NAT10: variants seen among roughly 807,000 people sequenced by gnomAD.
The protein encoded by NAT10 is N-acetyltransferase 10.
A neutral mutation model predicts 132.2 loss-of-function variants in NAT10; 109 were observed. The ratio of observed to expected loss-of-function variants is 0.82; its 90% confidence interval spans 0.71 to 0.97. The LOEUF (loss-of-function observed/expected upper bound fraction) is 0.97. Among genes scored for constraint, NAT10 ranks in the 50% least tolerant of loss-of-function variants. The pLI is 0.00. For missense variants in NAT10, 1,184 were observed against 1,263.4 expected (o/e 0.94, Z 0.95); for synonymous variants, 479 against 478.0 (o/e 1.00, Z -0.03).
intron 12 of NAT10, among the ~76,000 whole-genome samples, chr11:34,129,141 G>A (rs1852053942): frequency 6.6e-6 from 1 of 152,098 alleles, no homozygotes; most frequent in Admixed American, 6.6e-5. Flanking sequence ...ATGTTTTTCA[G>A]TTCTCTTAGG....
intron 28 of NAT10, among the ~76,000 whole-genome samples, chr11:34,144,588 A>G (rs964670576): frequency 6.6e-6 from 1 of 152,226 alleles, no homozygotes; most frequent in African/African-American, 2.4e-5. Context: ...ACTAATCCAA[A>G]TACATTTTGA....
intron 8 of NAT10, 39 bp downstream of exon 8, chr11:34,118,542 A>G (rs767488913): frequency 4.3e-5 from 67 of 1,549,906 alleles, no homozygotes; most frequent in Admixed American, 1.8e-5. Context: ...CAAAGGTAGT[A>G]AAACATAGCA....
At position 34,118,123 on chromosome 11, in the gene NAT10, C is replaced by G; in HGVS notation, c.558-57C>G. On this transcript the variant is annotated intron_variant, in intron 6 of 28. Transcript: ENST00000257829. ...AATTTTTTTGAAGAAAAGTTATACTCTGTATAGACATTGCATGCCCTCCCC... is the reference window on the plus strand; with the variant it reads ...AATTTTTTTGAAGAAAAGTTATACTGTGTATAGACATTGCATGCCCTCCCC... 5 of 1,385,726 alleles carry G rather than the reference C, an allele frequency of 3.6e-6. No homozygotes were observed. The South Asian group carries it at 5.8e-5, about 16-fold the overall frequency. The allele number at this position is 1,385,726 out of a possible 1,614,324, so 85.8% of individuals were successfully genotyped here.
At chr11:34,115,719 C>A in intron 5 of NAT10, 104 bp from the exon 6 acceptor site, 1 of 1,139,246 alleles carries the variant, frequency 8.8e-7, no homozygotes, top group Non-Finnish European at 1.3e-6. Context: ...ATTTTGTTTC[C>A]AGCAAGATTG....
chr11:34,119,014 C>T (rs537447857), intron 8 of NAT10, among the ~76,000 whole-genome samples: 2 of 152,300 alleles, frequency 1.3e-5, no homozygotes, highest in South Asian at 2.1e-4. Flanking sequence ...AGGCTTTTGC[C>T]TATAGCTTAT....
intron 13 of NAT10, 42 bp downstream of exon 13, chr11:34,130,979 G>T (rs111829970): frequency 1.2e-6 from 2 of 1,609,278 alleles, no homozygotes; most frequent in East Asian, 2.2e-5. Context: ...TCACAGCAAG[G>T]CCCTTCAGTC....
intron 28 of NAT10, among the ~76,000 whole-genome samples, chr11:34,144,270 C>CA (rs1474299430): frequency 6.6e-6 from 1 of 151,222 alleles, no homozygotes; most frequent in Non-Finnish European, 1.5e-5. Context: ...CCTGTCTCTG[C>CA]AAAAAAATTT....
chr11:34,118,639 TGTG>T, intron 8 of NAT10, 136 bp downstream of exon 8: 8 of 638,422 alleles, frequency 1.3e-5, no homozygotes, highest in Non-Finnish European at 2.1e-5. Context: ...CTCATACTCG[TGTG>T]TGCTCAGCAA....
chr11:34,129,718 C>A, intron 12 of NAT10, among the ~76,000 whole-genome samples: 1 of 150,196 alleles, frequency 6.7e-6, no homozygotes, highest in East Asian at 2.0e-4. Context: ...ACCCATTTCT[C>A]CTGCCTCAGC....
intron 9 of NAT10, among the ~76,000 whole-genome samples, chr11:34,122,866 G>A (rs1010161546): frequency 6.6e-6 from 1 of 152,232 alleles, no homozygotes; most frequent in Admixed American, 6.5e-5. Flanking sequence ...ACATGCAGAG[G>A]CAAAGAAATG....
chr11:34,116,132 C>T (rs1851778767), intron 6 of NAT10, among the ~76,000 whole-genome samples: 1 of 152,208 alleles, frequency 6.6e-6, no homozygotes, highest in African/African-American at 2.4e-5. Context: ...AACCAGGTTA[C>T]TCTCTCTGGT....
At chr11:34,138,707 A>G (rs1487802078) in intron 21 of NAT10, among the ~76,000 whole-genome samples, 1 of 152,166 alleles carries the variant, frequency 6.6e-6, no homozygotes, top group Non-Finnish European at 1.5e-5. Context: ...TAAAAAATGT[A>G]AAAATAGTCA....
intron 21 of NAT10, 21 bp from the exon 22 acceptor site, chr11:34,139,170 T>G (rs1164528022): frequency 6.2e-7 from 1 of 1,608,892 alleles, no homozygotes; most frequent in East Asian, 2.2e-5. Flanking sequence ...TTGGTGCCAG[T>G]TAAACCTCTG....
rs780359105 is a variant in NAT10, at chr11:34,137,006, G to A, written c.2191G>A (p.Val731Ile). The change falls in exon 21 of 29, where the codon GTT (valine) becomes ATT (isoleucine). Residue 731 changes from valine (V) to isoleucine (I), a missense_variant. Physicochemically the swap from Val to Ile is conservative, Grantham distance 29 (BLOSUM62 3). Coordinates refer to ENST00000257829, the MANE Select transcript of NAT10 (RefSeq NM_024662.3). Reference protein sequence around the residue: ...KFWKRAGFVPVYLRQTPNDLT... With the variant: ...KFWKRAGFVPIYLRQTPNDLT... ...CTGGAAACGAGCTGGATTTGTTCCT[G>A]TTTATCTGAGACAGACCCCGGTGAG... 9.3e-6 allele frequency: 15 copies of A among 1,614,082 alleles called. No homozygotes were observed. In the Admixed American group the frequency reaches 2.2e-4, roughly 23 times the overall value.
At chr11:34,142,253 C>G (rs1852349156) in intron 26 of NAT10, 22 bp from the exon 27 acceptor site, 1 of 1,612,296 alleles carries the variant, frequency 6.2e-7, no homozygotes, top group Admixed American at 1.7e-5. Flanking sequence ...GACTTAGTCT[C>G]TTTATGGGTC....
rs140188192 is a variant in NAT10 at position 34,108,232 on chromosome 11, C to T, written c.7C>T (p.Arg3Trp). The T allele has an allele frequency of 8.4e-4, 1,356 of 1,612,998 alleles. No individual in the cohort carries two copies. The highest frequency in any genetic ancestry group is 1.1e-3 in the Non-Finnish European group (1,252 of 1,179,084). MH[R>W]KKVDNRIRIL... ...TTAGTAATAATTTTTCACCATGCATCGGAAAAAGGTGGATAACCGAATCCG... is the reference window on the plus strand; with the variant it reads ...TTAGTAATAATTTTTCACCATGCATTGGAAAAAGGTGGATAACCGAATCCG... Residue 3 changes from arginine to tryptophan, a missense_variant, in exon 2 of 29, where the codon CGG (arginine) becomes TGG (tryptophan). Transcript: ENST00000257829.
intron 3 of NAT10, among the ~76,000 whole-genome samples, chr11:34,111,047 C>T (rs939509073): frequency 2.0e-5 from 3 of 152,260 alleles, no homozygotes; most frequent in South Asian, 4.1e-4. Flanking sequence ...GTTTTTAGGG[C>T]TTCTGGTTTT....
Position 34,136,652 on chromosome 11 carries a change from TG to T in NAT10, c.2040del (p.Leu680PhefsTer19). ...IHTVSSEAVS[L>X]LEEVITPRKD... ...TTGGCATCTTCCCAGGCTGTCAGCT[TG>T]TTGGAAGAGGTCATCACTCCCCGGA... On this transcript the variant is annotated frameshift_variant, in exon 20 of 29. Transcript: ENST00000257829. LOFTEE classifies it high-confidence loss of function. 6.2e-7 allele frequency: 1 copy of T among 1,614,150 alleles called. No individual in the cohort carries two copies. The highest frequency in any genetic ancestry group is 8.5e-7 in the Non-Finnish European group (1 of 1,180,018).
chr11:34,134,323 G>T lies in NAT10; in HGVS notation c.1739G>T (p.Cys580Phe). The T allele has an allele frequency of 6.2e-7, 1 of 1,614,044 alleles. No homozygotes were observed. The change falls in exon 17 of 29, where the codon TGC becomes TTC. Residue 580 changes from cysteine to phenylalanine, a missense_variant. By Grantham distance (205) the Cys-to-Phe change is radical. Coordinates refer to ENST00000257829, the MANE Select transcript of NAT10 (RefSeq NM_024662.3). ...ACTGTCCTGCTTCCCCCACAGGTGT[G>T]CCTTGAAGGGGAGATTTCTCGCCAG... ...LPEVLAVIQV[C>F]LEGEISRQSI...
Sources: allele counts gnomAD v4.1 joint callset (sites outside exome capture counted in the v4.1 genomes callset), GRCh38; gene constraint gnomAD v4.1.1; transcripts MANE v1.5; gene names NCBI Gene and HGNC (gene_info 2026-07-23, HGNC 2026-07-21).